DOCK1: variants seen among roughly 807,000 people sequenced by gnomAD.
DOCK1 encodes dedicator of cytokinesis protein 1.
A neutral mutation model predicts 262.7 loss-of-function variants in DOCK1; 138 were observed. The ratio of observed to expected loss-of-function variants is 0.53; its 90% CI spans 0.46 to 0.61. DOCK1 has a LOEUF of 0.61. DOCK1 is among the 20% of genes least tolerant of loss of function. DOCK1 has a pLI of 0.00. For synonymous variants in DOCK1, 866 were observed against 867.4 expected, an observed-to-expected ratio of 1.00 and a Z score of 0.03; for missense variants, 1,908 against 2,370.7, an observed-to-expected ratio of 0.80 and a Z score of 4.05.
intron 16 of DOCK1, among the ~76,000 whole-genome samples, chr10:127,030,142 A>G (rs1273958872): frequency 6.6e-6 from 1 of 152,154 alleles, no homozygotes; most frequent in Non-Finnish European, 1.5e-5. Flanking sequence ...GACGGTAAAT[A>G]TTTTGAGCCG....
intron 23 of DOCK1, among the ~76,000 whole-genome samples, chr10:127,094,887 C>CGCT (rs2047812340): frequency 6.6e-6 from 1 of 152,196 alleles, no homozygotes; most frequent in Non-Finnish European, 1.5e-5. Context: ...TTGGAAGTCA[C>CGCT]GCTTTGCCTC....
At chr10:127,367,752 G>A (rs925117078) in intron 33 of DOCK1, among the ~76,000 whole-genome samples, 3 of 152,184 alleles carry the variant, frequency 2.0e-5, no homozygotes, top group South Asian at 2.1e-4. Flanking sequence ...ACAGGAAGGC[G>A]TTCCCAGCGA....
chr10:127,403,078 G>T lies in DOCK1; in HGVS notation c.3951G>T (p.Leu1317Phe), dbSNP rs772769660. 184 of 1,612,614 alleles carry T rather than the reference G, an allele frequency of 1.1e-4. No homozygotes were observed. Among genetic ancestry groups the T allele is most frequent in the Non-Finnish European group, 1.5e-4 (176 of 1,179,478 alleles). Residue 1317 changes from leucine (L) to phenylalanine (F), a missense_variant, in exon 39 of 52, where the codon TTG becomes TTT. Transcript: ENST00000623213. ...AGATGTGGGAGGAGGCCATTGCCTTGGGCAAGGAGCTAGCCGAGCAGTATG... is the reference window on the plus strand; with the variant it reads ...AGATGTGGGAGGAGGCCATTGCCTTTGGCAAGGAGCTAGCCGAGCAGTATG... ...KGKMWEEAIA[L>F]GKELAEQYEN...
intron 16 of DOCK1, 59 bp from the exon 17 acceptor site, chr10:127,031,591 T>G: frequency 3.0e-6 from 4 of 1,329,420 alleles, no homozygotes; most frequent in Non-Finnish European, 4.2e-6. Flanking sequence ...CTTCTTATAA[T>G]GTTATTTTGT....
intron 6 of DOCK1, among the ~76,000 whole-genome samples, chr10:126,993,687 C>A (rs561341488): frequency 6.6e-6 from 1 of 152,224 alleles, no homozygotes; most frequent in African/African-American, 2.4e-5. Flanking sequence ...CAAAAAGCCT[C>A]TATTTGTTTA....
chr10:127,321,439 C>A (rs927991791), intron 29 of DOCK1, among the ~76,000 whole-genome samples: 1 of 141,832 alleles, frequency 7.1e-6, no homozygotes, highest in African/African-American at 2.7e-5. Context: ...TTTTTAGGTT[C>A]TTATTCTAAA....
At chr10:127,263,918 T>C (rs983916882) in intron 29 of DOCK1, among the ~76,000 whole-genome samples, 1 of 152,160 alleles carries the variant, frequency 6.6e-6, no homozygotes, top group Admixed American at 6.5e-5. Flanking sequence ...CTACTAGAAT[T>C]TTAAGTGATA....
At position 127,404,310 on chromosome 10, in the gene DOCK1, C is replaced by CT. The variant is rs763180119; in HGVS notation, c.4018-9dup. ...AATACTCAAACCTGAAATGCATTTT[C>CT]TTTTTTCCTTCCAGAAAAAACAGGC... On this transcript the variant is annotated splice_polypyrimidine_tract_variant and intron_variant, in intron 39 of 51. Coordinates refer to ENST00000623213, the MANE Select transcript of DOCK1 (RefSeq NM_001290223.2). The CT allele has an allele frequency of 3.7e-6, 6 of 1,604,828 alleles. No individual in the cohort carries two copies. The highest frequency in any genetic ancestry group is 5.1e-6 in the Non-Finnish European group (6 of 1,174,212).
intron 21 of DOCK1, among the ~76,000 whole-genome samples, chr10:127,049,060 C>T (rs1026897165): frequency 1.6e-4 from 19 of 118,382 alleles, no homozygotes; most frequent in African/African-American, 4.6e-4. Flanking sequence ...TGTATTTTCA[C>T]GTTGATTTTG....
chr10:127,015,907 C>T (rs1274284963), intron 12 of DOCK1: 1 of 152,510 alleles, frequency 6.6e-6, no homozygotes, highest in Non-Finnish European at 1.5e-5. Context: ...CCACCCCAGC[C>T]TCCGCACTGT....
chr10:127,133,502 T>G (rs2050447056), intron 27 of DOCK1, among the ~76,000 whole-genome samples: 1 of 152,196 alleles, frequency 6.6e-6, no homozygotes, highest in Non-Finnish European at 1.5e-5. Context: ...AACGTGTGTG[T>G]GTGCACCAAT....
intron 1 of DOCK1, among the ~76,000 whole-genome samples, chr10:126,956,070 C>T (rs1393417473): frequency 1.3e-5 from 2 of 152,142 alleles, no homozygotes; most frequent in East Asian, 3.9e-4. Context: ...TGTTCAGTTT[C>T]GGTCTGCAAG....
At chr10:127,243,594 C>T (rs2059335615) in intron 27 of DOCK1, among the ~76,000 whole-genome samples, 1 of 152,122 alleles carries the variant, frequency 6.6e-6, no homozygotes, top group South Asian at 2.1e-4. Context: ...GAAATGGGGG[C>T]CCAAACACAT....
chr10:127,048,610 G>T (rs2044502543), intron 21 of DOCK1, among the ~76,000 whole-genome samples: 1 of 152,170 alleles, frequency 6.6e-6, no homozygotes, highest in Non-Finnish European at 1.5e-5. Flanking sequence ...TGCCTGCACT[G>T]TCTAATGTCA....
chr10:127,426,894 A>G (rs1280009298), intron 47 of DOCK1, among the ~76,000 whole-genome samples: 1 of 152,192 alleles, frequency 6.6e-6, no homozygotes, highest in Non-Finnish European at 1.5e-5. Flanking sequence ...CTTGCAGTTC[A>G]AATCTTACAG....
In DOCK1 at chr10:127,127,655, G is replaced by C. The variant is rs1450633313; in HGVS notation, c.2752-14G>C. The C allele has an allele frequency of 6.2e-7, 1 of 1,606,158 alleles. No individual in the cohort carries two copies. ...TTCTCTGGTGTTGGTGTTCATTGGTGTGTCCTTCCCCAGGGGCCAACCCAG... is the reference window on the plus strand; with the variant it reads ...TTCTCTGGTGTTGGTGTTCATTGGTCTGTCCTTCCCCAGGGGCCAACCCAG... On this transcript the variant is annotated splice_polypyrimidine_tract_variant and intron_variant, in intron 26 of 51. Coordinates refer to ENST00000623213, the MANE Select transcript of DOCK1 (RefSeq NM_001290223.2).
intron 15 of DOCK1, 35 bp from the exon 16 acceptor site, chr10:127,026,317 T>A: frequency 6.5e-7 from 1 of 1,541,146 alleles, no homozygotes; most frequent in Non-Finnish European, 8.8e-7. Context: ...ATGATATTGA[T>A]AACAGTGCTT....
At chr10:127,192,570 C>T (rs962779083) in intron 27 of DOCK1, 5 of 152,200 alleles carry the variant, frequency 3.3e-5, no homozygotes, top group Admixed American at 6.5e-5. Flanking sequence ...AAAGCACGTA[C>T]GACTCAAATG....
At chr10:127,024,379 G>A (rs942378849) in intron 14 of DOCK1, among the ~76,000 whole-genome samples, 2 of 152,158 alleles carry the variant, frequency 1.3e-5, no homozygotes, top group South Asian at 2.1e-4. Flanking sequence ...CCTATGGGAC[G>A]GATCAGGCAA....
Sources: gnomAD v4.1 joint callset for allele counts (sites outside exome capture counted in the v4.1 genomes callset) on GRCh38, gnomAD v4.1.1 for gene constraint, MANE v1.5 for transcripts, NCBI Gene and HGNC (gene_info 2026-07-23, HGNC 2026-07-21) for gene names.